AKAP8L: variants seen among roughly 807,000 people sequenced by gnomAD.
The protein encoded by AKAP8L is A-kinase anchoring protein 8 like, also known as A-kinase anchor protein 8-like.
AKAP8L carries 34 observed loss-of-function variants against 77.5 expected under a neutral mutation model. That is an observed-to-expected ratio of 0.44 (90% confidence interval 0.33 to 0.58). AKAP8L has a LOEUF of 0.58. AKAP8L is among the 20% of genes least tolerant of loss of function. AKAP8L has a pLI of 0.02. For synonymous variants in AKAP8L, 342 were observed against 340.7 expected (o/e 1.00, Z -0.04); for missense variants, 806 against 887.6 (o/e 0.91, Z 1.17).
chr19:15,400,236 C>T lies in AKAP8L; in HGVS notation c.1048+59G>A, dbSNP rs768580024. The T allele has an allele frequency of 3.8e-6, 6 of 1,578,698 alleles. No individual in the cohort carries two copies. The South Asian group carries it at 4.4e-5, about 12-fold the overall frequency. On this transcript the variant is annotated intron_variant, in intron 8 of 13. Coordinates refer to ENST00000397410, the MANE Select transcript of AKAP8L (RefSeq NM_014371.4). ...CGCAACCCTGCCCTCAGCTGGGTCCCTCCCACTGTGAGCCCCTGGAAGAGC... is the reference window on the plus strand; with the variant it reads ...CGCAACCCTGCCCTCAGCTGGGTCCTTCCCACTGTGAGCCCCTGGAAGAGC...
chr19:15,405,088 G>A (rs927845036), intron 2 of AKAP8L, among the ~76,000 whole-genome samples: 14 of 152,246 alleles, frequency 9.2e-5, no homozygotes, highest in African/African-American at 3.4e-4. Context: ...ACAGAGGCTT[G>A]CAGTCCCAGG....
intron 1 of AKAP8L, among the ~76,000 whole-genome samples, chr19:15,417,325 C>T (rs1173922377): frequency 6.6e-6 from 1 of 152,202 alleles, no homozygotes; most frequent in African/African-American, 2.4e-5. Context: ...TCAGTAACAA[C>T]CCCATAGTCT....
intron 12 of AKAP8L, among the ~76,000 whole-genome samples, chr19:15,391,652 C>A (rs1275300113): frequency 6.6e-6 from 1 of 151,192 alleles, no homozygotes. Flanking sequence ...CATTCTCCTG[C>A]CTCAGCCTCC....
Position 15,400,328 on chromosome 19 carries a change from C to T in AKAP8L, c.1015G>A (p.Gly339Arg), listed in dbSNP as rs1967866908. The change falls in exon 8 of 14, where the codon GGG becomes AGG. Residue 339 changes from glycine to arginine, a missense_variant. Transcript: ENST00000397410. Reference sequence around the variant, plus strand: ...GGATCCTCTTTGCCTTCTTCTCTCCCATCCTCTTTTCCCTCCTCATCCTCT... The same window carrying T: ...GGATCCTCTTTGCCTTCTTCTCTCCTATCCTCTTTTCCCTCCTCATCCTCT... ...DGEDEEGKED[G>R]REEGKEDPEK... 6.2e-7 allele frequency: 1 copy of T among 1,613,934 alleles called. No homozygotes were observed. Among genetic ancestry groups the T allele is most frequent in the Non-Finnish European group, 8.5e-7 (1 of 1,179,864 alleles).
Position 15,403,645 on chromosome 19 carries a change from G to A in AKAP8L, c.192C>T (p.Ala64=). The A allele has an allele frequency of 1.9e-6, 3 of 1,613,780 alleles. No individual in the cohort carries two copies. Among genetic ancestry groups the A allele is most frequent in the East Asian group, 4.5e-5 (2 of 44,882 alleles). The change falls in exon 4 of 14, where the codon GCC becomes GCT. Residue 64 remains alanine, a synonymous_variant. Transcript: ENST00000397410. The surrounding 1 kb of genome is among the most constrained non-coding windows in gnomAD (Gnocchi z 4.3). ...DNTTNYGYGM[A]TSHSWEMPSS... ...TAGGCATTTCCCAAGAGTGTGAAGT[G>A]GCCATACCATACCCATAGTTGGTGG...
Position 15,401,706 on chromosome 19 carries a change from G to GC in AKAP8L, c.363-104dup, listed in dbSNP as rs934550156. On this transcript the variant is annotated intron_variant, in intron 4 of 13. Coordinates refer to ENST00000397410, the MANE Select transcript of AKAP8L (RefSeq NM_014371.4). The surrounding 1 kb of genome is among the most constrained non-coding windows in gnomAD (Gnocchi z 6.2). ...AATCTCCCAGTCCAGCACCCACCCT[G>GC]CCCTGGTTGGGAGGCTCAATGTTCA... 2 of 928,980 alleles carry GC rather than the reference G, an allele frequency of 2.2e-6. No homozygotes were observed. The highest frequency in any genetic ancestry group is 3.3e-5 in the African/African-American group (2 of 60,258). 57.5% of individuals were successfully genotyped at this position (928,980 alleles called of 1,614,324 possible). A position where few individuals can be genotyped will look rare whatever the true frequency, so the allele number is the denominator to read the frequency against.
chr19:15,400,448 A>G, intron 7 of AKAP8L, 90 bp from the exon 8 acceptor site: 13 of 1,310,608 alleles, frequency 9.9e-6, no homozygotes, highest in Non-Finnish European at 1.4e-5. Context: ...GTATATAGTA[A>G]AACAGCTGCT....
rs554388923 is a variant in AKAP8L at position 15,396,242 on chromosome 19, C to A, written c.1536+908G>T. On this transcript the variant is annotated intron_variant, in intron 12 of 13. Transcript: ENST00000397410. ...CCATGCTCACCTTGGATGCGAACAT[C>A]TGTTCATAAACCCCACCACCCTCCT... is the stretch of plus-strand genomic sequence containing the variant. Among the ~76,000 whole-genome samples, 167 of 152,190 alleles carry A rather than the reference C, an allele frequency of 1.1e-3. 2 individuals are homozygous for A. The highest frequency in any genetic ancestry group is 2.2e-3 in the Non-Finnish European group (150 of 68,014).
intron 12 of AKAP8L, among the ~76,000 whole-genome samples, chr19:15,392,445 C>A (rs1223330794): frequency 2.0e-5 from 3 of 150,878 alleles, no homozygotes; most frequent in African/African-American, 7.3e-5. Context: ...TGTAGTGAGT[C>A]ATGATGGTGC....
intron 12 of AKAP8L, among the ~76,000 whole-genome samples, chr19:15,385,132 C>G (rs1009320398): frequency 1.3e-5 from 2 of 152,328 alleles, no homozygotes; most frequent in East Asian, 1.9e-4. Flanking sequence ...CGCCCACCAC[C>G]ACGCCCGGCT....
At position 15,398,547 on chromosome 19, in the gene AKAP8L, T is replaced by A; in HGVS notation, c.1158-692A>T. 1.0e-6 allele frequency: 1 copy of A among 981,364 alleles called. No homozygotes were observed. Among genetic ancestry groups the A allele is most frequent in the Non-Finnish European group, 1.2e-6 (1 of 826,216 alleles). The allele number at this position is 981,364 out of a possible 1,614,324, so 60.8% of individuals were successfully genotyped here. ...TGGTGTCCACAGTAGAAGCCCGGGG[T>A]CTGGGGCCTGGGCCGGAGCAGGCCG... On this transcript the variant is annotated intron_variant, in intron 9 of 13. Transcript: ENST00000397410. This position sits in a 1 kb window ranked among gnomAD's most constrained non-coding sequence, Gnocchi z 9.2.
At chr19:15,387,475 T>C (rs1967563602) in intron 12 of AKAP8L, among the ~76,000 whole-genome samples, 1 of 151,704 alleles carries the variant, frequency 6.6e-6, no homozygotes, top group South Asian at 2.1e-4. Flanking sequence ...TTTATTGGAG[T>C]TAAACACTGA....
In AKAP8L at chr19:15,399,561, T is replaced by A; in HGVS notation, c.1049-151A>T. On this transcript the variant is annotated intron_variant, in intron 8 of 13. Transcript: ENST00000397410. This position sits in a 1 kb window ranked among gnomAD's most constrained non-coding sequence, Gnocchi z 6.1. ...GCCTCTGGCCATGAGCAGGGCTGGG[T>A]ATCCTGGGCTGTGCAGGGAGTGGGT... 1 of 662,438 alleles carries A rather than the reference T, an allele frequency of 1.5e-6. No homozygotes were observed. Among genetic ancestry groups the A allele is most frequent in the Non-Finnish European group, 2.7e-6 (1 of 368,924 alleles). 41.0% of individuals were successfully genotyped at this position (662,438 alleles called of 1,614,324 possible). A position where few individuals can be genotyped will look rare whatever the true frequency, so the allele number is the denominator to read the frequency against.
rs1599582073 is a variant in AKAP8L at position 15,380,635 on chromosome 19, T to C, written c.1537-23A>G. ...GAGCTGCGGGCAGGGCAGAAGGAGCTGGAGAGGCTGCTCTGAGTGCCCTAC... is the reference window on the plus strand; with the variant it reads ...GAGCTGCGGGCAGGGCAGAAGGAGCCGGAGAGGCTGCTCTGAGTGCCCTAC... On this transcript the variant is annotated intron_variant, in intron 12 of 13. Transcript: ENST00000397410. 1.4e-5 allele frequency: 23 copies of C among 1,609,624 alleles called. No homozygotes were observed. The East Asian group carries it at 4.2e-4, about 30-fold the overall frequency.
At chr19:15,400,670 C>T (rs968158967) in intron 7 of AKAP8L, 124 bp downstream of exon 7, 5 of 1,214,574 alleles carry the variant, frequency 4.1e-6, no homozygotes, top group African/African-American at 1.5e-5. Context: ...ACACTGCCTC[C>T]CCATGCTGGT....
intron 1 of AKAP8L, among the ~76,000 whole-genome samples, chr19:15,411,768 T>C (rs1968109084): frequency 6.6e-6 from 1 of 152,172 alleles, no homozygotes. Flanking sequence ...TAAAATGAAT[T>C]AGGGCTGGAT....
rs1288826745 is a variant in AKAP8L at position 15,401,391 on chromosome 19, G to A, written c.575C>T (p.Pro192Leu). 1 of 1,613,094 alleles carries A rather than the reference G, an allele frequency of 6.2e-7. No homozygotes were observed. The highest frequency in any genetic ancestry group is 8.5e-7 in the Non-Finnish European group (1 of 1,179,816). The change falls in exon 5 of 14, where the codon CCA becomes CTA. Residue 192 changes from proline to leucine, a missense_variant. Coordinates refer to ENST00000397410, the MANE Select transcript of AKAP8L (RefSeq NM_014371.4). The surrounding 1 kb of genome is among the most constrained non-coding windows in gnomAD (Gnocchi z 6.2). Reference sequence around the variant, plus strand: ...CATGCGCCCATAGCCTGAGGCCATTGGCCGGCCGCTCCGGGCATCCCGGGC... The same window carrying A: ...CATGCGCCCATAGCCTGAGGCCATTAGCCGGCCGCTCCGGGCATCCCGGGC... ...GWARDARSGR[P>L]MASGYGRMWE...
intron 1 of AKAP8L, among the ~76,000 whole-genome samples, chr19:15,411,991 C>T (rs375987744): frequency 4.6e-5 from 7 of 152,104 alleles, no homozygotes; most frequent in African/African-American, 1.7e-4. Flanking sequence ...AGGTGGATCA[C>T]GAGGTTAGGA....
Position 15,400,290 on chromosome 19 carries a change from C to CGG in AKAP8L, c.1048+4_1048+5insCC. ...CCTAGCACCAGGCACCCCAGGAAAA[C>CGG]TCACCCTTCTCTGGATCCTCTTTGC... On this transcript the variant is annotated splice_donor_region_variant and intron_variant, in intron 8 of 13. Transcript: ENST00000397410. 6 of 1,593,096 alleles carry CGG rather than the reference C, an allele frequency of 3.8e-6. No homozygotes were observed. The highest frequency in any genetic ancestry group is 4.3e-6 in the Non-Finnish European group (5 of 1,160,814).
Sources: allele counts gnomAD v4.1 joint callset (sites outside exome capture counted in the v4.1 genomes callset), GRCh38; gene constraint gnomAD v4.1.1; non-coding constraint Gnocchi (gnomAD v3.1); transcripts MANE v1.5; gene names NCBI Gene and HGNC (gene_info 2026-07-23, HGNC 2026-07-21).